Variants in CAPN11 observed in about 807,000 individuals in gnomAD.
CAPN11 encodes the protein calpain-11.
In CAPN11, 108 loss-of-function variants were observed where a neutral mutation model predicts 105.3. The ratio of observed to expected loss-of-function variants is 1.03; its 90% CI spans 0.88 to 1.20. The LOEUF is 1.20. Among genes scored for constraint, CAPN11 ranks in the 50% most tolerant of loss-of-function variants. The probability of loss-of-function intolerance (pLI) is 0.00; values close to 1 mark genes in which losing one functional copy is unlikely to be tolerated. For synonymous variants in CAPN11, 329 were observed against 344.5 expected (o/e 0.96, Z 0.50); for missense variants, 883 against 924.8 (o/e 0.95, Z 0.59).
intron 1 of CAPN11, among the ~76,000 whole-genome samples, chr6:44,165,725 G>T (rs935590469): frequency 6.6e-6 from 1 of 152,150 alleles, no homozygotes; most frequent in African/African-American, 2.4e-5. Context: ...ACTCAAGAGG[G>T]GTCAAAGGGA....
Position 44,169,447 on chromosome 6 carries a change from C to T in CAPN11, c.255C>T (p.Phe85=). 1.9e-6 allele frequency: 3 copies of T among 1,612,448 alleles called. No individual in the cohort carries two copies. The highest frequency in any genetic ancestry group is 1.7e-6 in the Non-Finnish European group (2 of 1,179,316). Residue 85 remains phenylalanine (F), a synonymous_variant, in exon 3 of 23, where the codon TTC becomes TTT. Transcript: ENST00000398776. ...RKGELFEDPL[F]PAEPSSLGFK... ...GGGAGCTCTTCGAGGACCCCTTATT[C>T]CCTGCTGAACCCAGCTCACTGGGCT...
chr6:44,170,432 G>T (rs867843216), intron 4 of CAPN11, among the ~76,000 whole-genome samples: 1 of 152,106 alleles, frequency 6.6e-6, no homozygotes, highest in Non-Finnish European at 1.5e-5. Context: ...GTGCACTTAC[G>T]TGGCAGGAGC....
Position 44,176,995 on chromosome 6 carries a change from C to A in CAPN11, c.1234C>A (p.Pro412Thr). The change falls in exon 11 of 23, where the codon CCT becomes ACT. Residue 412 changes from proline (P) to threonine (T), a missense_variant. Pro to Thr is a conservative substitution (Grantham distance 38). Transcript: ENST00000398776. ...CTCCGCAGGGGGCTGCAGGAACCAC[C>A]CTGGTGGGTGAGGGGTGAGAGGGGA... is the stretch of plus-strand genomic sequence containing the variant. The part of the protein sequence containing the change: ...GSSAGGCRNH[P>T]GTFWTNPQFK... 4 of 1,610,126 alleles carry A rather than the reference C, an allele frequency of 2.5e-6. No homozygotes were observed. Among genetic ancestry groups the A allele is most frequent in the Non-Finnish European group, 3.4e-6 (4 of 1,178,356 alleles).
At chr6:44,168,984 A>T in intron 2 of CAPN11, 1 of 478,246 alleles carries the variant, frequency 2.1e-6, no homozygotes, top group Non-Finnish European at 4.1e-6. Flanking sequence ...GTGCCATCAC[A>T]TCTCATTGCA....
rs1771957105 is a variant in CAPN11, at chr6:44,176,132, C to T, written c.896C>T (p.Ser299Phe). The change falls in exon 8 of 23, where the codon TCT becomes TTT. Residue 299 changes from serine (S) to phenylalanine (F), a missense_variant. Transcript: ENST00000398776. The stretch of plus-strand genomic sequence containing the variant: ...ATGCTGGTGAGAGGGCACGCTTACT[C>T]TGTGACTGGCCTTCAGGATGTGAGT... ...DKMLVRGHAY[S>F]VTGLQDVHYR... The T allele has an allele frequency of 6.2e-7, 1 of 1,613,022 alleles. No homozygotes were observed. Among genetic ancestry groups the T allele is most frequent in the African/African-American group, 1.3e-5 (1 of 74,902 alleles).
Position 44,162,938 on chromosome 6 carries a change from G to A in CAPN11, c.17-3820G>A, listed in dbSNP as rs145490025. ...CAAGCACACACATGACTCCAATATT[G>A]GAGTAATATCACTAGTATCATTAAA... On this transcript the variant is annotated intron_variant, in intron 1 of 22. Transcript: ENST00000398776. 5.9e-5 allele frequency among the ~76,000 whole-genome samples: 9 copies of A among 152,212 alleles called. No homozygotes were observed. The East Asian group carries it at 1.7e-3, about 29-fold the overall frequency.
At chr6:44,179,777 G>T (rs1033846694) in intron 13 of CAPN11, 147 bp downstream of exon 13, 1 of 974,226 alleles carries the variant, frequency 1.0e-6, no homozygotes, top group Non-Finnish European at 1.6e-6. Context: ...GCTGGTAGGG[G>T]TCGGGAAAGG....
chr6:44,168,459 G>A (rs1487911646), intron 2 of CAPN11, among the ~76,000 whole-genome samples: 3 of 151,438 alleles, frequency 2.0e-5, no homozygotes, highest in Non-Finnish European at 4.4e-5. Context: ...TAGTAGAGAC[G>A]GGGTTTCACC....
intron 12 of CAPN11, among the ~76,000 whole-genome samples, chr6:44,178,784 A>C (rs914122977): frequency 6.8e-6 from 1 of 146,296 alleles, no homozygotes; most frequent in African/African-American, 2.6e-5. Flanking sequence ...TTAGCCGGGC[A>C]TGGTGGCACA....
Position 44,166,823 on chromosome 6 carries a change from T to G in CAPN11, c.82T>G (p.Cys28Gly). The change falls in exon 2 of 23, where the codon TGT becomes GGT. Residue 28 changes from cysteine (C) to glycine (G), a missense_variant. Cys to Gly is a radical substitution (Grantham distance 159). Coordinates refer to ENST00000398776, the MANE Select transcript of CAPN11 (RefSeq NM_007058.4). ...ACAGGAGGATAAGCCTCGGGGCTCA[T>G]GTGCGGGTAGGACTGCAGACCCGTC... is the stretch of plus-strand genomic sequence containing the variant. ...GSQEDKPRGSCAEPTFTDTGM... is the reference protein window; with the variant it reads ...GSQEDKPRGSGAEPTFTDTGM... 6.4e-7 allele frequency: 1 copy of G among 1,551,178 alleles called. No homozygotes were observed. Among genetic ancestry groups the G allele is most frequent in the South Asian group, 1.2e-5 (1 of 84,050 alleles).
At chr6:44,160,092 C>T (rs1320257214) in intron 1 of CAPN11, among the ~76,000 whole-genome samples, 2 of 151,782 alleles carry the variant, frequency 1.3e-5, no homozygotes, top group Non-Finnish European at 2.9e-5. Flanking sequence ...CGAGATCGTG[C>T]CACCGCACCC....
chr6:44,182,545 G>A (rs1484478550), intron 19 of CAPN11, among the ~76,000 whole-genome samples: 1 of 152,096 alleles, frequency 6.6e-6, no homozygotes, highest in East Asian at 1.9e-4. Context: ...GGGTTGGAGG[G>A]GGGCATGGGG....
Position 44,183,686 on chromosome 6 carries a change from C to G in CAPN11, c.2135-19C>G, listed in dbSNP as rs145427560. 11 of 1,612,878 alleles carry G rather than the reference C, an allele frequency of 6.8e-6. No individual in the cohort carries two copies. Among genetic ancestry groups the G allele is most frequent in the Admixed American group, 1.7e-5 (1 of 59,920 alleles). Reference sequence around the variant, plus strand: ...GACTTAGCATTCAGCCCCTCTCCCCCGCTTCCTCTGTAACGCAGCATTCTT... The same window carrying G: ...GACTTAGCATTCAGCCCCTCTCCCCGGCTTCCTCTGTAACGCAGCATTCTT... On this transcript the variant is annotated intron_variant, in intron 21 of 22. Transcript: ENST00000398776.
At position 44,181,443 on chromosome 6, in the gene CAPN11, C is replaced by CCA. The variant is rs1679659961; in HGVS notation, c.1938+127_1938+128dup. ...ACACACACACACACACCCAACCACACCACACTCACACACACACACACACAC... is the reference window on the plus strand; with the variant it reads ...ACACACACACACACACCCAACCACACCACACACTCACACACACACACACACAC... On this transcript the variant is annotated intron_variant, in intron 19 of 22. Transcript: ENST00000398776. 14 of 589,966 alleles carry CCA rather than the reference C, an allele frequency of 2.4e-5. 1 individual carries two copies. Among genetic ancestry groups the CCA allele is most frequent in the Admixed American group, 5.6e-5 (2 of 35,820 alleles). The allele number at this position is 589,966 out of a possible 1,614,324, so 36.5% of individuals were successfully genotyped here. A position where few individuals can be genotyped will look rare whatever the true frequency, so the allele number is the denominator to read the frequency against.
At chr6:44,179,593 G>T (rs1275362164) in intron 12 of CAPN11, 26 bp from the exon 13 acceptor site, 1 of 1,611,158 alleles carries the variant, frequency 6.2e-7, no homozygotes. Flanking sequence ...CTAGAGATCT[G>T]ACTCTCCTCT....
At chr6:44,174,716 T>A (rs1771666062) in intron 7 of CAPN11, among the ~76,000 whole-genome samples, 1 of 150,138 alleles carries the variant, frequency 6.7e-6, no homozygotes. Flanking sequence ...ACCTCCTGGG[T>A]TCAAGAGATT....
In CAPN11 at chr6:44,173,295, A is replaced by T. The variant is rs781298511; in HGVS notation, c.740A>T (p.Gln247Leu). The T allele has an allele frequency of 1.2e-6, 2 of 1,613,980 alleles. No individual in the cohort carries two copies. Among genetic ancestry groups the T allele is most frequent in the Non-Finnish European group, 1.7e-6 (2 of 1,179,874 alleles). The change falls in exon 7 of 23, where the codon CAG (glutamine) becomes CTG (leucine). Residue 247 changes from glutamine to leucine, a missense_variant. Transcript: ENST00000398776. ...GLEDFTGGVA[Q>L]SFQLQRPPQN... Reference sequence around the variant, plus strand: ...GAGGACTTCACAGGAGGCGTGGCCCAGAGCTTCCAACTCCAGAGGCCCCCT... The same window carrying T: ...GAGGACTTCACAGGAGGCGTGGCCCTGAGCTTCCAACTCCAGAGGCCCCCT...
chr6:44,176,386 C>T (rs766030928), intron 9 of CAPN11, 48 bp downstream of exon 9: 32 of 1,539,776 alleles, frequency 2.1e-5, no homozygotes, highest in East Asian at 1.1e-4. Context: ...ATACAGCAGG[C>T]GGTGCCAGGT....
chr6:44,180,332 C>A, intron 14 of CAPN11, 128 bp from the exon 15 acceptor site: 1 of 966,156 alleles, frequency 1.0e-6, no homozygotes, highest in Non-Finnish European at 1.6e-6. Context: ...AGAACTAGAA[C>A]TAGAACCCAT....
Sources: gnomAD v4.1 joint callset for allele counts (sites outside exome capture counted in the v4.1 genomes callset) on GRCh38, gnomAD v4.1.1 for gene constraint, MANE v1.5 for transcripts, NCBI Gene and HGNC (gene_info 2026-07-23, HGNC 2026-07-21) for gene names.